CHD9: variants seen among roughly 807,000 people sequenced by gnomAD.
CHD9 encodes the protein ATP-dependent chromatin remodeler CHD9.
CHD9 carries 77 observed loss-of-function variants against 316.1 expected under a neutral mutation model. The observed-to-expected ratio is 0.24, with a 90% CI of 0.20 to 0.29. The LOEUF (loss-of-function observed/expected upper bound fraction) is 0.29. Among genes scored for constraint, CHD9 ranks in the 10% least tolerant of loss-of-function variants. CHD9 has a pLI of 1.00. For missense variants in CHD9, 2,763 were observed against 3,438.1 expected (o/e 0.80, Z 4.91); for synonymous variants, 1,129 against 1,158.3 (o/e 0.97, Z 0.51).
chr16:53,117,377 G>T (rs1005108822), intron 1 of CHD9, among the ~76,000 whole-genome samples: 1 of 151,488 alleles, frequency 6.6e-6, no homozygotes, highest in East Asian at 1.9e-4. Context: ...TTCATGTGGC[G>T]ATAGCCACAG....
rs773025991 is a variant in CHD9, at chr16:53,245,605, T to TTCAGGC, written c.3211_3216dup (p.Gln1071_Ala1072dup). ...TCATTTTTTATTCAGGTACAGAAAC[T>TTCAGGC]TCAGGCTATCCTGAAACCAATGATG... On this transcript the variant is annotated inframe_insertion, in exon 15 of 39. Transcript: ENST00000447540. This position sits in a 1 kb window ranked among gnomAD's most constrained non-coding sequence, Gnocchi z 4.1. 1 of 1,567,478 alleles carries TTCAGGC rather than the reference T, an allele frequency of 6.4e-7. No homozygotes were observed. The highest frequency in any genetic ancestry group is 8.6e-7 in the Non-Finnish European group (1 of 1,161,614).
chr16:53,127,297 A>C lies in CHD9; in HGVS notation c.-164-28629A>C, dbSNP rs989684908. ...TCTTGATTGTATAAGTTTTCTCCAG[A>C]AGTGAACAGGTACTACAGCATTGAT... On this transcript the variant is annotated intron_variant, in intron 1 of 38. Transcript: ENST00000447540. 3.9e-5 allele frequency among the ~76,000 whole-genome samples: 6 copies of C among 152,230 alleles called. 1 individual carries two copies. Among genetic ancestry groups the C allele is most frequent in the Non-Finnish European group, 1.5e-5 (1 of 68,034 alleles).
intron 3 of CHD9, among the ~76,000 whole-genome samples, chr16:53,211,463 G>C (rs2046328146): frequency 6.6e-6 from 1 of 151,998 alleles, no homozygotes; most frequent in African/African-American, 2.4e-5. Context: ...GCACAACATT[G>C]ACCAATTTTT....
chr16:53,234,158 A>G (rs1056571154), intron 10 of CHD9, among the ~76,000 whole-genome samples: 1 of 152,220 alleles, frequency 6.6e-6, no homozygotes, highest in African/African-American at 2.4e-5. Context: ...TTTTAAAAAT[A>G]TATTCATGAT....
intron 3 of CHD9, among the ~76,000 whole-genome samples, chr16:53,214,969 A>C (rs1360163516): frequency 6.7e-6 from 1 of 148,804 alleles, no homozygotes. Flanking sequence ...GCTGGAGTGC[A>C]GTGGCACATC....
chr16:53,259,486 A>G (rs1020911659), intron 19 of CHD9, among the ~76,000 whole-genome samples: 3 of 151,832 alleles, frequency 2.0e-5, no homozygotes, highest in African/African-American at 7.3e-5. Context: ...ATCGTTCCTC[A>G]TGGTTTTTTG....
intron 19 of CHD9, among the ~76,000 whole-genome samples, chr16:53,257,833 T>G (rs1174181920): frequency 6.6e-6 from 1 of 152,158 alleles, no homozygotes; most frequent in East Asian, 1.9e-4. Context: ...AAACTAGTCA[T>G]GACTAAGTAG....
rs1193040007 is a variant in CHD9, at chr16:53,235,236, A to G, written c.2563A>G (p.Lys855Glu). 2 of 1,550,394 alleles carry G rather than the reference A, an allele frequency of 1.3e-6. No homozygotes were observed. The highest frequency in any genetic ancestry group is 1.7e-6 in the Non-Finnish European group (2 of 1,144,526). ...WKKIDQSRDY[K>E]NGNQLREYQL... ...GAAAATAGATCAATCCAGGGACTAT[A>G]AAAATGGCAATCAACTCAGGGAATA... is the stretch of plus-strand genomic sequence containing the variant. Residue 855 changes from lysine (K) to glutamate (E), a missense_variant, in exon 11 of 39, where the codon AAA (lysine) becomes GAA (glutamate). Lys to Glu is a moderately conservative substitution (Grantham distance 56). Transcript: ENST00000447540.
At chr16:53,059,560 G>A (rs1567299287) in intron 1 of CHD9, among the ~76,000 whole-genome samples, 1 of 152,182 alleles carries the variant, frequency 6.6e-6, no homozygotes, top group Non-Finnish European at 1.5e-5. Context: ...AATGACCATG[G>A]TCATAAAGAT....
intron 19 of CHD9, among the ~76,000 whole-genome samples, chr16:53,257,772 T>A (rs1372817514): frequency 6.6e-6 from 1 of 152,128 alleles, no homozygotes; most frequent in Non-Finnish European, 1.5e-5. Context: ...AAGTAGTTCC[T>A]TTTGTTTCCA....
intron 1 of CHD9, chr16:53,121,433 G>A: frequency 2.2e-6 from 1 of 456,018 alleles, no homozygotes; most frequent in Non-Finnish European, 4.4e-6. Context: ...TTAAGATTAG[G>A]ACAAGCAGCT....
intron 12 of CHD9, 42 bp from the exon 13 acceptor site, chr16:53,242,798 A>C: frequency 6.5e-7 from 1 of 1,542,682 alleles, no homozygotes; most frequent in Non-Finnish European, 8.9e-7. Context: ...AAAATATGCA[A>C]TTAAAATATT....
chr16:53,310,086 C>T (rs2056333533), intron 34 of CHD9, among the ~76,000 whole-genome samples: 1 of 152,154 alleles, frequency 6.6e-6, no homozygotes, highest in South Asian at 2.1e-4. Context: ...GCTGCTATTA[C>T]CACTTCTTAA....
At chr16:53,101,045 C>T (rs2036830008) in intron 1 of CHD9, among the ~76,000 whole-genome samples, 1 of 152,138 alleles carries the variant, frequency 6.6e-6, no homozygotes, top group South Asian at 2.1e-4. Context: ...GAAGAGCCTG[C>T]CTCTGGGTGT....
chr16:53,136,317 G>T (rs1472591352), intron 1 of CHD9, among the ~76,000 whole-genome samples: 1 of 152,016 alleles, frequency 6.6e-6, no homozygotes, highest in Non-Finnish European at 1.5e-5. Context: ...TTGTCTAGTG[G>T]TCTTTTCATA....
intron 1 of CHD9, among the ~76,000 whole-genome samples, chr16:53,058,466 T>G (rs2032435227): frequency 6.6e-6 from 1 of 152,142 alleles, no homozygotes; most frequent in Non-Finnish European, 1.5e-5. Context: ...GGTTATGCAT[T>G]GATCTGCCAG....
intron 17 of CHD9, among the ~76,000 whole-genome samples, chr16:53,251,808 CT>C (rs2050150332): frequency 6.6e-6 from 1 of 151,992 alleles, no homozygotes; most frequent in Non-Finnish European, 1.5e-5. Context: ...TTAGTTTGTC[CT>C]TCATTTAAAT....
chr16:53,235,144 G>T, intron 10 of CHD9, 41 bp from the exon 11 acceptor site: 1 of 1,525,736 alleles, frequency 6.6e-7, no homozygotes, highest in Non-Finnish European at 8.9e-7. Context: ...TATGATATAT[G>T]GAAGATTTAA....
intron 13 of CHD9, among the ~76,000 whole-genome samples, chr16:53,244,873 A>C (rs1234994024): frequency 6.6e-6 from 1 of 152,074 alleles, no homozygotes; most frequent in Non-Finnish European, 1.5e-5. Context: ...TCACACCTGT[A>C]ATCCCAGCAC....
Sources: allele counts gnomAD v4.1 joint callset (sites outside exome capture counted in the v4.1 genomes callset), GRCh38; gene constraint gnomAD v4.1.1; non-coding constraint Gnocchi (gnomAD v3.1); transcripts MANE v1.5; gene names NCBI Gene and HGNC (gene_info 2026-07-23, HGNC 2026-07-21).